The following PPEF2 variants were observed in gnomAD, a reference collection of about 807,000 sequenced individuals.
The protein encoded by PPEF2 is protein phosphatase with EF-hand domain 2.
In PPEF2, 84 loss-of-function variants were observed where a neutral mutation model predicts 84.7. The ratio of observed to expected loss-of-function variants is 0.99; its 90% confidence interval spans 0.83 to 1.19. The LOEUF (loss-of-function observed/expected upper bound fraction) is 1.19. Ranked by LOEUF, PPEF2 falls within the 50% of genes most tolerant of loss-of-function variation. The pLI, the probability that PPEF2 is intolerant of heterozygous loss-of-function variation, is 0.00. For missense variants in PPEF2, 924 were observed against 937.5 expected (o/e 0.99, Z 0.19); for synonymous variants, 346 against 345.2 (o/e 1.00, Z -0.03).
At position 75,860,160 on chromosome 4, in the gene PPEF2, C is replaced by G. The variant is rs1406520241; in HGVS notation, c.*507G>C. ...GGTTGGGAGTTCAAGACCAGCCTGA[C>G]CAACATGGAGAAACCCTGTGTCTAC... is the stretch of plus-strand genomic sequence containing the variant. On this transcript the variant is annotated 3_prime_UTR_variant, in exon 17 of 17. Coordinates refer to ENST00000286719, the MANE Select transcript of PPEF2 (RefSeq NM_006239.3). 6.4e-6 allele frequency: 1 copy of G among 155,786 alleles called. No individual in the cohort carries two copies. The highest frequency in any genetic ancestry group is 1.4e-5 in the Non-Finnish European group (1 of 70,436). 9.7% of individuals were successfully genotyped at this position (155,786 alleles called of 1,614,324 possible).
At chr4:75,874,391 G>C (rs949893024) in intron 11 of PPEF2, among the ~76,000 whole-genome samples, 13 of 151,818 alleles carry the variant, frequency 8.6e-5, no homozygotes, top group Non-Finnish European at 7.4e-5. Flanking sequence ...TGCCTCCCAG[G>C]TTCAAGCGAT....
intron 16 of PPEF2, among the ~76,000 whole-genome samples, 189 bp downstream of exon 16, chr4:75,864,251 T>C (rs1384210183): frequency 6.6e-6 from 1 of 152,190 alleles, no homozygotes; most frequent in Non-Finnish European, 1.5e-5. Context: ...GCCCCACTTC[T>C]TTCTCTATGG....
Position 75,876,648 on chromosome 4 carries a change from G to A in PPEF2, c.959C>T (p.Thr320Met), listed in dbSNP as rs774197482. 2.9e-5 allele frequency: 45 copies of A among 1,562,618 alleles called. No individual in the cohort carries two copies. The highest frequency in any genetic ancestry group is 3.4e-4 in the Middle Eastern group (2 of 5,836). ...CATCTGCTTCTCACTCTTCTGTCTCGTTTTGCACCTCATGGTGGAAACTAT... is the reference window on the plus strand; with the variant it reads ...CATCTGCTTCTCACTCTTCTGTCTCATTTTGCACCTCATGGTGGAAACTAT... ...SKIVSTMRCK[T>M]RQKSEKQMEE... Residue 320 changes from threonine (T) to methionine (M), a missense_variant, in exon 11 of 17, where the codon ACG (threonine) becomes ATG (methionine). By Grantham distance (81) the Thr-to-Met change is moderately conservative. Coordinates refer to ENST00000286719, the MANE Select transcript of PPEF2 (RefSeq NM_006239.3).
intron 10 of PPEF2, among the ~76,000 whole-genome samples, chr4:75,879,592 T>G (rs1724513438): frequency 1.3e-5 from 2 of 152,190 alleles, no homozygotes; most frequent in African/African-American, 4.8e-5. Flanking sequence ...TTCTGGGTAT[T>G]TTCTTTCTTA....
Position 75,876,498 on chromosome 4 carries a change from C to A in PPEF2, c.1109G>T (p.Ser370Ile). The change falls in exon 11 of 17, where the codon AGC becomes ATC. Residue 370 changes from serine to isoleucine, a missense_variant. Physicochemically the swap from Ser to Ile is moderately radical, Grantham distance 142. Transcript: ENST00000286719. Reference sequence around the variant, plus strand: ...GCTGCAGGGGATGCTGGAGGACCTGCTGGTTTTCTGGGCCTTGTAGGAGCC... The same window carrying A: ...GCTGCAGGGGATGCTGGAGGACCTGATGGTTTTCTGGGCCTTGTAGGAGCC... ...RLGSYKAQKT[S>I]RSSSIPCSGS... 1 of 1,614,024 alleles carries A rather than the reference C, an allele frequency of 6.2e-7. No homozygotes were observed.
intron 10 of PPEF2, among the ~76,000 whole-genome samples, chr4:75,877,086 G>A (rs1389877701): frequency 2.1e-5 from 3 of 143,736 alleles, no homozygotes; most frequent in East Asian, 2.1e-4. Context: ...TGTAATCCCA[G>A]CACATTGGGA....
chr4:75,884,533 A>C (rs1290033782), intron 8 of PPEF2, 61 bp downstream of exon 8: 8 of 1,469,372 alleles, frequency 5.4e-6, no homozygotes, highest in Admixed American at 2.4e-5. Context: ...GTTCTGGAGA[A>C]ATAACATTTT....
intron 13 of PPEF2, among the ~76,000 whole-genome samples, chr4:75,868,573 A>G (rs1346796261): frequency 1.3e-5 from 2 of 150,010 alleles, no homozygotes; most frequent in African/African-American, 4.9e-5. Flanking sequence ...GCACGTGCCT[A>G]TGGTCCCAGC....
rs756300285 is a variant in PPEF2, at chr4:75,864,530, GC to G, written c.1921-4del. On this transcript the variant is annotated splice_region_variant and splice_polypyrimidine_tract_variant and intron_variant, in intron 15 of 16. Transcript: ENST00000286719. ...TCCAGCAAACTTGATTGTATGTTCTGCAAGAAAAAATTCATTTTCCTTCTTT... is the reference window on the plus strand; with the variant it reads ...TCCAGCAAACTTGATTGTATGTTCTGAAGAAAAAATTCATTTTCCTTCTTT... The G allele has an allele frequency of 3.7e-6, 6 of 1,606,538 alleles. No homozygotes were observed. In the Admixed American group the frequency reaches 8.3e-5, roughly 22 times the overall value.
chr4:75,897,105 G>A (rs1015554946), intron 1 of PPEF2, among the ~76,000 whole-genome samples: 5 of 151,914 alleles, frequency 3.3e-5, no homozygotes, highest in African/African-American at 7.3e-5. Context: ...CGCTTGCCTC[G>A]GCCTCCCAAA....
chr4:75,882,385 A>C (rs1367585514), intron 10 of PPEF2, among the ~76,000 whole-genome samples: 1 of 152,172 alleles, frequency 6.6e-6, no homozygotes, highest in African/African-American at 2.4e-5. Flanking sequence ...TAGGCTCTTT[A>C]GGTGGCAATA....
At chr4:75,898,659 C>T (rs957279699) in intron 1 of PPEF2, among the ~76,000 whole-genome samples, 1 of 152,180 alleles carries the variant, frequency 6.6e-6, no homozygotes, top group African/African-American at 2.4e-5. Flanking sequence ...CAGGATTTAG[C>T]ACAGTGCCTG....
chr4:75,895,568 C>CA (rs890270904), intron 2 of PPEF2, among the ~76,000 whole-genome samples: 45 of 150,664 alleles, frequency 3.0e-4, no homozygotes, highest in African/African-American at 1.1e-3. Flanking sequence ...CCAGTGTCTA[C>CA]AAAAAACACA....
chr4:75,870,153 C>T (rs17001036), intron 13 of PPEF2, among the ~76,000 whole-genome samples: 15,367 of 152,108 alleles, frequency 0.1, 2,534 homozygotes, highest in African/African-American at 0.35. Context: ...ACTATTACTA[C>T]TGTAGGGAAT....
At chr4:75,894,653 T>G (rs1308697701) in intron 2 of PPEF2, among the ~76,000 whole-genome samples, 1 of 152,026 alleles carries the variant, frequency 6.6e-6, no homozygotes, top group Non-Finnish European at 1.5e-5. Flanking sequence ...TGTATGGGGA[T>G]GAGAGTGAGT....
chr4:75,879,433 T>C (rs1049626999), intron 10 of PPEF2, among the ~76,000 whole-genome samples: 4 of 152,208 alleles, frequency 2.6e-5, no homozygotes, highest in African/African-American at 7.2e-5. Context: ...TCAACAAAAA[T>C]GTAGCTCATT....
At chr4:75,870,930 T>C (rs2149216285) in intron 13 of PPEF2, among the ~76,000 whole-genome samples, 1 of 143,666 alleles carries the variant, frequency 7.0e-6, no homozygotes, top group Non-Finnish European at 1.5e-5. Context: ...TTTTATTTTA[T>C]TTTTGAGATG....
chr4:75,894,680 T>G (rs1404464431), intron 2 of PPEF2, among the ~76,000 whole-genome samples: 1 of 152,110 alleles, frequency 6.6e-6, no homozygotes, highest in Non-Finnish European at 1.5e-5. Context: ...GTTCTGTGCA[T>G]GGCAGGGAGT....
At chr4:75,900,015 TC>T (rs1725086480) in intron 1 of PPEF2, among the ~76,000 whole-genome samples, 1 of 152,204 alleles carries the variant, frequency 6.6e-6, no homozygotes, top group Non-Finnish European at 1.5e-5. Flanking sequence ...TCTTCAAGGA[TC>T]ATAAATGATA....
Sources: gnomAD v4.1 joint callset for allele counts (sites outside exome capture counted in the v4.1 genomes callset) on GRCh38, gnomAD v4.1.1 for gene constraint, MANE v1.5 for transcripts, NCBI Gene and HGNC (gene_info 2026-07-23, HGNC 2026-07-21) for gene names.